The following TTC17 variants were observed in gnomAD, a reference collection of about 807,000 sequenced individuals.
The protein encoded by TTC17 is tetratricopeptide repeat protein 17.
TTC17 carries 58 observed loss-of-function variants against 143.8 expected under a neutral mutation model. The ratio of observed to expected loss-of-function variants is 0.40; its 90% CI spans 0.33 to 0.50. The LOEUF (loss-of-function observed/expected upper bound fraction) is 0.50. Among genes scored for constraint, TTC17 ranks in the 20% least tolerant of loss-of-function variants. The pLI, the probability that TTC17 is intolerant of heterozygous loss-of-function variation, is 0.49. For synonymous variants in TTC17, 501 were observed against 497.8 expected, an observed-to-expected ratio of 1.01 and a Z score of -0.09; for missense variants, 1,273 against 1,392.5, an observed-to-expected ratio of 0.91 and a Z score of 1.37.
intron 21 of TTC17, among the ~76,000 whole-genome samples, chr11:43,477,509 A>G (rs1590491713): frequency 6.6e-6 from 1 of 152,238 alleles, no homozygotes; most frequent in Admixed American, 6.5e-5. Context: ...TCATGGCAGG[A>G]GGCAAAAGAT....
intron 2 of TTC17, among the ~76,000 whole-genome samples, chr11:43,382,738 T>C (rs1459442185): frequency 6.6e-6 from 1 of 152,106 alleles, no homozygotes; most frequent in Non-Finnish European, 1.5e-5. Flanking sequence ...CACAAAAAGA[T>C]TATTACTCTA....
chr11:43,466,101 T>C (rs183792013), intron 21 of TTC17, among the ~76,000 whole-genome samples: 15 of 152,030 alleles, frequency 9.9e-5, no homozygotes, highest in Non-Finnish European at 1.5e-5. Flanking sequence ...ATAACCCAAT[T>C]AAAAAATATA....
chr11:43,475,436 A>T (rs1948168147), intron 21 of TTC17, among the ~76,000 whole-genome samples: 1 of 152,092 alleles, frequency 6.6e-6, no homozygotes, highest in African/African-American at 2.4e-5. Context: ...AGGTTAAAGC[A>T]ATCCTTCCAC....
chr11:43,436,722 T>C (rs1947301240), intron 16 of TTC17, among the ~76,000 whole-genome samples: 1 of 152,200 alleles, frequency 6.6e-6, no homozygotes, highest in Non-Finnish European at 1.5e-5. Context: ...TTGAGCTATA[T>C]TGTACTAAAC....
chr11:43,414,486 A>G (rs541328390), intron 15 of TTC17, 104 bp from the exon 16 acceptor site: 3 of 1,193,296 alleles, frequency 2.5e-6, no homozygotes, highest in South Asian at 1.5e-5. Flanking sequence ...AATAACGTTT[A>G]TGGGGTAACC....
Position 43,398,024 on chromosome 11 carries a change from G to A in TTC17, c.969G>A (p.Gln323=). ...TGCTCTGTTATGACCACGCTTTGCA[G>A]GCCAGACCTGGGTTTGAGCAAGCTA... is the stretch of plus-strand genomic sequence containing the variant. The part of the protein sequence containing the change: ...HSVLCYDHAL[Q]ARPGFEQAIK... The change falls in exon 8 of 24, where the codon CAG becomes CAA. Residue 323 remains glutamine (Q), a synonymous_variant. Transcript: ENST00000039989. The A allele has an allele frequency of 6.2e-7, 1 of 1,613,466 alleles. No individual in the cohort carries two copies. Among genetic ancestry groups the A allele is most frequent in the Non-Finnish European group, 8.5e-7 (1 of 1,179,844 alleles).
Position 43,451,222 on chromosome 11 carries a change from C to G in TTC17, c.2987C>G (p.Ser996Trp). The G allele has an allele frequency of 6.2e-7, 1 of 1,613,842 alleles. No individual in the cohort carries two copies. Among genetic ancestry groups the G allele is most frequent in the Non-Finnish European group, 8.5e-7 (1 of 1,179,766 alleles). The change falls in exon 21 of 24, where the codon TCG (serine) becomes TGG (tryptophan). Residue 996 changes from serine to tryptophan, a missense_variant. Physicochemically the swap from Ser to Trp is radical, Grantham distance 177. Transcript: ENST00000039989. ...NLGKDQYPQQ[S>W]LEQIGTRIAK... Reference sequence around the variant, plus strand: ...GGCAAAGACCAATATCCACAACAGTCGCTTGAACAGATTGGCACCCGAATT... The same window carrying G: ...GGCAAAGACCAATATCCACAACAGTGGCTTGAACAGATTGGCACCCGAATT...
intron 5 of TTC17, 119 bp from the exon 6 acceptor site, chr11:43,396,590 G>C: frequency 1.9e-6 from 1 of 515,342 alleles, no homozygotes; most frequent in Non-Finnish European, 3.5e-6. Flanking sequence ...TTATCATTCA[G>C]TCTGGCTCTT....
intron 3 of TTC17, among the ~76,000 whole-genome samples, chr11:43,390,509 G>A (rs1446574378): frequency 2.0e-5 from 3 of 151,976 alleles, no homozygotes; most frequent in South Asian, 2.1e-4. Flanking sequence ...CCAGCTACTC[G>A]GGAAGCTGAG....
At chr11:43,363,190 T>G (rs1856187781) in intron 1 of TTC17, among the ~76,000 whole-genome samples, 1 of 152,226 alleles carries the variant, frequency 6.6e-6, no homozygotes, top group African/African-American at 2.4e-5. Context: ...AAAAATAGGT[T>G]TCAAGATAAA....
intron 16 of TTC17, among the ~76,000 whole-genome samples, chr11:43,434,413 G>A (rs1947238407): frequency 6.6e-6 from 1 of 152,102 alleles, no homozygotes; most frequent in South Asian, 2.1e-4. Context: ...TGATCGGCGG[G>A]GGGAAGCCTA....
At chr11:43,436,046 G>A in intron 16 of TTC17, 1 of 873,016 alleles carries the variant, frequency 1.1e-6, no homozygotes, top group Non-Finnish European at 1.5e-6. Context: ...TGTGTGTTCT[G>A]CTGAAGAAAA....
chr11:43,384,078 G>A (rs1000675553), intron 2 of TTC17, among the ~76,000 whole-genome samples: 1 of 151,768 alleles, frequency 6.6e-6, no homozygotes. Flanking sequence ...CCAGATGTTT[G>A]AGGTTACAGT....
At chr11:43,458,586 T>G (rs1003229596) in intron 21 of TTC17, among the ~76,000 whole-genome samples, 1 of 152,172 alleles carries the variant, frequency 6.6e-6, no homozygotes, top group African/African-American at 2.4e-5. Flanking sequence ...CTCATTTGCC[T>G]GAGTCTTCCT....
At position 43,407,520 on chromosome 11, in the gene TTC17, C is replaced by G. The variant is rs763661902; in HGVS notation, c.2007C>G (p.Gly669=). The G allele has an allele frequency of 3.1e-6, 5 of 1,613,978 alleles. No homozygotes were observed. The Admixed American group carries it at 8.3e-5, about 27-fold the overall frequency. Reference sequence around the variant, plus strand: ...TGGCCAACCTTTTGATTCATTACGGCCTTCATCTTGATGCCACTAAGCTGC... The same window carrying G: ...TGGCCAACCTTTTGATTCATTACGGGCTTCATCTTGATGCCACTAAGCTGC... ...VNLANLLIHY[G]LHLDATKLLL... is the part of the protein sequence containing the mutation. Residue 669 remains glycine, a synonymous_variant, in exon 15 of 24, where the codon GGC becomes GGG. Coordinates refer to ENST00000039989, the MANE Select transcript of TTC17 (RefSeq NM_018259.6).
intron 21 of TTC17, among the ~76,000 whole-genome samples, chr11:43,451,621 T>G (rs1947658976): frequency 6.6e-6 from 1 of 152,186 alleles, no homozygotes; most frequent in East Asian, 1.9e-4. Context: ...TTTTGGATGA[T>G]GGATGGGAAA....
intron 13 of TTC17, among the ~76,000 whole-genome samples, chr11:43,406,613 T>C (rs909557983): frequency 7.9e-5 from 12 of 152,168 alleles, no homozygotes; most frequent in African/African-American, 2.9e-4. Context: ...TTACTGTTAC[T>C]TATATTCAAT....
chr11:43,391,521 A>T lies in TTC17; in HGVS notation c.476A>T (p.Asp159Val). 1 of 1,607,874 alleles carries T rather than the reference A, an allele frequency of 6.2e-7. No homozygotes were observed. The highest frequency in any genetic ancestry group is 8.5e-7 in the Non-Finnish European group (1 of 1,178,392). ...GTCCCTCCAGACCCAGAGCAACCTG[A>T]TTGTACTAAAATTCTAGAACTTCCA... ...SPVPPDPEQP[D>V]CTKILELPYS... Residue 159 changes from aspartate to valine, a missense_variant, in exon 4 of 24, where the codon GAT becomes GTT. By Grantham distance (152) the Asp-to-Val change is radical. Transcript: ENST00000039989.
chr11:43,388,258 G>A lies in TTC17; in HGVS notation c.250-1394G>A, dbSNP rs146222083. ...AAAATTTAGAGCTATCCTGACTAAT[G>A]TAGATAAATCTCAAAAACATACATA... On this transcript the variant is annotated intron_variant, in intron 2 of 23. Coordinates refer to ENST00000039989, the MANE Select transcript of TTC17 (RefSeq NM_018259.6). Among the ~76,000 whole-genome samples, 507 of 152,152 alleles carry A rather than the reference G, an allele frequency of 3.3e-3. 2 individuals are homozygous for A. The highest frequency in any genetic ancestry group is 0.011 in the African/African-American group (473 of 41,500).
Sources: allele counts gnomAD v4.1 joint callset (sites outside exome capture counted in the v4.1 genomes callset), GRCh38; gene constraint gnomAD v4.1.1; transcripts MANE v1.5; gene names NCBI Gene and HGNC (gene_info 2026-07-23, HGNC 2026-07-21).